SCN7A: variants seen among roughly 807,000 people sequenced by gnomAD.
SCN7A encodes sodium channel protein type 7 subunit alpha.
A neutral mutation model predicts 155.2 loss-of-function variants in SCN7A; 138 were observed. The observed-to-expected ratio is 0.89, with a 90% confidence interval of 0.77 to 1.02. The LOEUF (loss-of-function observed/expected upper bound fraction) is 1.02. Among genes scored for constraint, SCN7A ranks in the 50% least tolerant of loss-of-function variants. The pLI is 0.00. For missense variants in SCN7A, 2,058 were observed against 1,986.6 expected, an observed-to-expected ratio of 1.04 and a Z score of -0.68; for synonymous variants, 693 against 649.0, an observed-to-expected ratio of 1.07 and a Z score of -1.03.
intron 2 of SCN7A, among the ~76,000 whole-genome samples, chr2:166,480,750 T>A (rs1470840758): frequency 6.6e-6 from 1 of 152,184 alleles, no homozygotes. Context: ...TATCGAAATT[T>A]TCTGGGTGAA....
chr2:166,447,732 A>T (rs377239814), intron 11 of SCN7A, 24 bp from the exon 12 acceptor site: 23 of 1,539,096 alleles, frequency 1.5e-5, no homozygotes, highest in African/African-American at 2.7e-5. Context: ...TGATGGTTTA[A>T]TACTGGCTTC....
intron 15 of SCN7A, among the ~76,000 whole-genome samples, chr2:166,438,436 T>C (rs1015701079): frequency 6.6e-6 from 1 of 152,192 alleles, no homozygotes; most frequent in Non-Finnish European, 1.5e-5. Context: ...AGTGGACTAA[T>C]ACAGTGATAG....
intron 14 of SCN7A, 46 bp from the exon 15 acceptor site, chr2:166,441,798 A>T: frequency 1.4e-6 from 2 of 1,470,240 alleles, no homozygotes; most frequent in Non-Finnish European, 1.9e-6. Context: ...AATGACAAAA[A>T]ACTTGGTCAG....
Position 166,470,525 on chromosome 2 carries a change from T to C in SCN7A, c.664+90A>G, listed in dbSNP as rs1702629437. 13 of 1,081,126 alleles carry C rather than the reference T, an allele frequency of 1.2e-5. No individual in the cohort carries two copies. The South Asian group carries it at 2.3e-4, about 19-fold the overall frequency. 67.0% of individuals were successfully genotyped at this position (1,081,126 alleles called of 1,614,324 possible). A position where few individuals can be genotyped will look rare whatever the true frequency, so the allele number is the denominator to read the frequency against. On this transcript the variant is annotated intron_variant, in intron 7 of 25. Transcript: ENST00000643258. ...TTCAAAGTGGAAACATTATTCAATA[T>C]TTCCTCTGAACAACAACAGGGAAGT...
intron 20 of SCN7A, among the ~76,000 whole-genome samples, chr2:166,418,887 T>C (rs1371730229): frequency 6.6e-6 from 1 of 152,198 alleles, no homozygotes; most frequent in Non-Finnish European, 1.5e-5. Flanking sequence ...CTCAATGATA[T>C]ATCTTCAGAG....
intron 3 of SCN7A, among the ~76,000 whole-genome samples, chr2:166,476,791 C>T (rs1702808426): frequency 6.6e-6 from 1 of 151,984 alleles, no homozygotes; most frequent in South Asian, 2.1e-4. Flanking sequence ...TCATTCTCTG[C>T]TCTTGCCTAC....
intron 11 of SCN7A, among the ~76,000 whole-genome samples, chr2:166,453,443 C>A (rs781264336): frequency 2.6e-5 from 4 of 152,120 alleles, no homozygotes; most frequent in Admixed American, 6.5e-5. Context: ...CTACATGATG[C>A]ATAATATTGA....
rs777157992 is a variant in SCN7A at position 166,445,094 on chromosome 2, T to A, written c.1388-94A>T. The A allele has an allele frequency of 7.1e-6, 5 of 701,260 alleles. No homozygotes were observed. In the Admixed American group the frequency reaches 1.3e-4, roughly 18 times the overall value. The allele number at this position is 701,260 out of a possible 1,614,324, so 43.4% of individuals were successfully genotyped here. Reference sequence around the variant, plus strand: ...ACTTTGGGAAGCCGAGGTGGGTGAATCACTTAAGTTCAGGAGTTCGAGACC... The same window carrying A: ...ACTTTGGGAAGCCGAGGTGGGTGAAACACTTAAGTTCAGGAGTTCGAGACC... On this transcript the variant is annotated intron_variant, in intron 12 of 25. Coordinates refer to ENST00000643258, the MANE Select transcript of SCN7A (RefSeq NM_002976.4).
chr2:166,460,065 C>T (rs1702368466), intron 10 of SCN7A, among the ~76,000 whole-genome samples: 1 of 152,124 alleles, frequency 6.6e-6, no homozygotes, highest in Non-Finnish European at 1.5e-5. Flanking sequence ...CACCATGGCA[C>T]ATATATACCT....
chr2:166,410,170 T>C, intron 24 of SCN7A, 50 bp downstream of exon 24: 4 of 1,336,138 alleles, frequency 3.0e-6, no homozygotes, highest in Non-Finnish European at 4.1e-6. Context: ...AAAGAGAATA[T>C]ATAAAGAACA....
At chr2:166,479,863 A>G (rs986541805) in intron 2 of SCN7A, among the ~76,000 whole-genome samples, 3 of 152,158 alleles carry the variant, frequency 2.0e-5, no homozygotes, top group Non-Finnish European at 4.4e-5. Flanking sequence ...GGTACAAGGA[A>G]ATTTTAAAGG....
At chr2:166,430,436 A>C (rs1239910629) in intron 16 of SCN7A, among the ~76,000 whole-genome samples, 1 of 151,826 alleles carries the variant, frequency 6.6e-6, no homozygotes, top group East Asian at 1.9e-4. Context: ...TATTTATTTG[A>C]GACTAGGCAT....
chr2:166,493,114 G>A (rs1024190500), intron 1 of SCN7A, among the ~76,000 whole-genome samples: 1 of 152,122 alleles, frequency 6.6e-6, no homozygotes, highest in Non-Finnish European at 1.5e-5. Context: ...GTTTATTACA[G>A]GGCCCACTTT....
Position 166,406,046 on chromosome 2 carries a change from T to C in SCN7A, c.4583A>G (p.Asp1528Gly). The change falls in exon 26 of 26, where the codon GAT becomes GGT. Residue 1528 changes from aspartate (D) to glycine (G), a missense_variant. By Grantham distance (94) the Asp-to-Gly change is moderately conservative (BLOSUM62 -1). Transcript: ENST00000643258. ...GCTAGAGTCTATGTACTGGGTCCTATCAGGATCAAACCTTTTCCATACCTG... is the reference window on the plus strand; with the variant it reads ...GCTAGAGTCTATGTACTGGGTCCTACCAGGATCAAACCTTTTCCATACCTG... ...FFQVWKRFDP[D>G]RTQYIDSSKL... is the part of the protein sequence containing the mutation. 6.2e-7 allele frequency: 1 copy of C among 1,612,978 alleles called. No individual in the cohort carries two copies. The highest frequency in any genetic ancestry group is 8.5e-7 in the Non-Finnish European group (1 of 1,179,376).
intron 2 of SCN7A, among the ~76,000 whole-genome samples, chr2:166,486,475 G>A (rs1185739650): frequency 1.3e-5 from 2 of 152,160 alleles, no homozygotes; most frequent in Non-Finnish European, 2.9e-5. Flanking sequence ...GAGCTTCTAC[G>A]AGTACAGAGA....
chr2:166,484,021 T>C (rs1702989830), intron 2 of SCN7A, among the ~76,000 whole-genome samples: 3 of 152,010 alleles, frequency 2.0e-5, no homozygotes, highest in South Asian at 4.1e-4. Flanking sequence ...TAAATACATA[T>C]AGAATGATTT....
chr2:166,410,152 A>C (rs1310197638), intron 24 of SCN7A, 68 bp downstream of exon 24: 3 of 1,238,214 alleles, frequency 2.4e-6, no homozygotes, highest in Non-Finnish European at 3.3e-6. Context: ...ACATTTGTTA[A>C]GGCTTTAAAA....
At chr2:166,472,212 G>C in intron 6 of SCN7A, 105 bp downstream of exon 6, 1 of 1,083,904 alleles carries the variant, frequency 9.2e-7, no homozygotes, top group Non-Finnish European at 1.3e-6. Context: ...TTCTTCACTT[G>C]CAGACTATCT....
intron 21 of SCN7A, among the ~76,000 whole-genome samples, chr2:166,414,187 A>C (rs1701288585): frequency 4.4e-5 from 1 of 22,696 alleles, no homozygotes; most frequent in African/African-American, 1.6e-4. Context: ...AAATATATAT[A>C]ATATATAATA....
Sources: gnomAD v4.1 joint callset for allele counts (sites outside exome capture counted in the v4.1 genomes callset) on GRCh38, gnomAD v4.1.1 for gene constraint, MANE v1.5 for transcripts, NCBI Gene and HGNC (gene_info 2026-07-23, HGNC 2026-07-21) for gene names.